Variants in DNAJC1 observed in about 807,000 individuals in gnomAD.
DNAJC1 encodes DnaJ heat shock protein family (Hsp40) member C1, also known as dnaJ homolog subfamily C member 1.
Under a neutral mutation model 76.6 loss-of-function variants are expected in DNAJC1, and 58 were observed. The ratio of observed to expected loss-of-function variants is 0.76; its 90% CI spans 0.61 to 0.94. The LOEUF is 0.94. Ranked by LOEUF, DNAJC1 falls within the 40% of genes least tolerant of loss-of-function variation. The pLI is 0.00. For synonymous variants in DNAJC1, 258 were observed against 267.9 expected (o/e 0.96, Z 0.36); for missense variants, 689 against 677.3 (o/e 1.02, Z -0.19).
chr10:21,941,933 C>T (rs1837419676), intron 1 of DNAJC1, among the ~76,000 whole-genome samples: 1 of 152,028 alleles, frequency 6.6e-6, no homozygotes, highest in African/African-American at 2.4e-5. Flanking sequence ...CACTATGTAA[C>T]AGAAAAGCAT....
chr10:21,961,465 C>A (rs555718391), intron 1 of DNAJC1, among the ~76,000 whole-genome samples: 3 of 152,014 alleles, frequency 2.0e-5, no homozygotes, highest in Admixed American at 2.0e-4. Context: ...GTGAAATAAG[C>A]CAGATACAAA....
intron 9 of DNAJC1, among the ~76,000 whole-genome samples, chr10:21,782,449 T>C (rs1321111082): frequency 6.6e-6 from 1 of 152,172 alleles, no homozygotes; most frequent in Admixed American, 6.5e-5. Flanking sequence ...CACAGCCGAA[T>C]TCTACCAGAG....
chr10:21,958,358 A>ATTTATTAGT (rs1837727391), intron 1 of DNAJC1, among the ~76,000 whole-genome samples: 1 of 152,058 alleles, frequency 6.6e-6, no homozygotes, highest in Non-Finnish European at 1.5e-5. Flanking sequence ...GTTCTGCAAC[A>ATTTATTAGT]TCACGATAAT....
chr10:21,862,155 T>G (rs1835925575), intron 8 of DNAJC1, among the ~76,000 whole-genome samples: 1 of 151,996 alleles, frequency 6.6e-6, no homozygotes, highest in Non-Finnish European at 1.5e-5. Flanking sequence ...CAACCTCAGG[T>G]GATCCGCCTG....
chr10:21,958,451 C>T (rs1256470295), intron 1 of DNAJC1, among the ~76,000 whole-genome samples: 3 of 147,076 alleles, frequency 2.0e-5, no homozygotes, highest in Non-Finnish European at 3.0e-5. Flanking sequence ...TTTTTTGAGA[C>T]GGAGTCTCGT....
At chr10:21,826,247 A>AAAAAAAAAAAAAG (rs1435710592) in intron 8 of DNAJC1, among the ~76,000 whole-genome samples, 7 of 151,298 alleles carry the variant, frequency 4.6e-5, no homozygotes, top group Admixed American at 6.6e-5. Flanking sequence ...CAAAAAAAAA[A>AAAAAAAAAAAAAG]AAGAAGAAGA....
At chr10:21,918,904 A>T (rs1287306636) in intron 5 of DNAJC1, 32 bp from the exon 6 acceptor site, 11 of 1,465,440 alleles carry the variant, frequency 7.5e-6, no homozygotes, top group Non-Finnish European at 1.1e-5. Context: ...AACACCATAC[A>T]ACATATGAGG....
At chr10:21,995,963 A>G (rs2131851241) in intron 1 of DNAJC1, among the ~76,000 whole-genome samples, 1 of 152,316 alleles carries the variant, frequency 6.6e-6, no homozygotes, top group East Asian at 1.9e-4. Flanking sequence ...CAGTTCTTAA[A>G]ATGAAATACT....
chr10:21,935,200 T>C (rs1837291258), intron 1 of DNAJC1, among the ~76,000 whole-genome samples: 1 of 152,196 alleles, frequency 6.6e-6, no homozygotes, highest in Non-Finnish European at 1.5e-5. Flanking sequence ...AAATCAATTA[T>C]TTTAAATATG....
rs914541977 is a variant in DNAJC1, at chr10:21,986,773, G to GT, written c.222+16439dup. Among the ~76,000 whole-genome samples the GT allele has an allele frequency of 2.2e-4, 33 of 150,640 alleles. 1 individual carries two copies. Among genetic ancestry groups the GT allele is most frequent in the Middle Eastern group, 6.8e-3 (2 of 294 alleles). On this transcript the variant is annotated intron_variant, in intron 1 of 11. Coordinates refer to ENST00000376980, the MANE Select transcript of DNAJC1 (RefSeq NM_022365.4). ...GGCTGGGAAATTTTTTGTTTTTTTTGTTTTTTTTCTTGAGACAGAATCTTG... is the reference window on the plus strand; with the variant it reads ...GGCTGGGAAATTTTTTGTTTTTTTTGTTTTTTTTTCTTGAGACAGAATCTTG...
At chr10:21,833,568 G>A (rs1324836618) in intron 8 of DNAJC1, among the ~76,000 whole-genome samples, 2 of 152,228 alleles carry the variant, frequency 1.3e-5, no homozygotes, top group African/African-American at 2.4e-5. Context: ...TAGCTAAGCA[G>A]TGTGGGAGAA....
chr10:21,999,400 T>C (rs1380062409), intron 1 of DNAJC1, among the ~76,000 whole-genome samples: 2 of 151,556 alleles, frequency 1.3e-5, no homozygotes, highest in Admixed American at 6.6e-5. Flanking sequence ...CCTACCTTAC[T>C]GGTCGTTCCT....
intron 1 of DNAJC1, among the ~76,000 whole-genome samples, chr10:21,962,302 T>C (rs1837808373): frequency 6.6e-6 from 1 of 151,960 alleles, no homozygotes; most frequent in African/African-American, 2.4e-5. Flanking sequence ...TAATGTATAG[T>C]AATTTATTCA....
chr10:21,954,208 AAG>A (rs1278027062), intron 1 of DNAJC1, among the ~76,000 whole-genome samples: 1 of 152,228 alleles, frequency 6.6e-6, no homozygotes, highest in East Asian at 1.9e-4. Context: ...ACTTTATAAA[AAG>A]AGGAAATAAA....
intron 1 of DNAJC1, among the ~76,000 whole-genome samples, chr10:22,000,599 T>C (rs1838503022): frequency 6.6e-6 from 1 of 152,270 alleles, no homozygotes; most frequent in South Asian, 2.1e-4. Context: ...AATGTCCTTC[T>C]ACCATGCTAT....
intron 8 of DNAJC1, among the ~76,000 whole-genome samples, chr10:21,856,122 G>C (rs904860501): frequency 3.3e-5 from 5 of 152,102 alleles, no homozygotes; most frequent in Admixed American, 1.3e-4. Context: ...TCTCCTGAAG[G>C]TAGATATTAT....
intron 5 of DNAJC1, 98 bp from the exon 6 acceptor site, chr10:21,918,970 T>C (rs1836997756): frequency 2.5e-6 from 2 of 784,812 alleles, no homozygotes; most frequent in Non-Finnish European, 4.2e-6. Context: ...TGAATTCTTT[T>C]GTGAATGGCT....
At chr10:21,837,979 C>G (rs1405476432) in intron 8 of DNAJC1, among the ~76,000 whole-genome samples, 2 of 150,002 alleles carry the variant, frequency 1.3e-5, no homozygotes, top group Non-Finnish European at 3.0e-5. Context: ...GCAGTCCCCG[C>G]CCGGCCAGCC....
chr10:21,975,352 A>C (rs191698996), intron 1 of DNAJC1, among the ~76,000 whole-genome samples: 1 of 152,124 alleles, frequency 6.6e-6, no homozygotes, highest in African/African-American at 2.4e-5. Flanking sequence ...AAAGAGAGTG[A>C]GAGAGAGAGA....
Sources: allele counts gnomAD v4.1 joint callset (sites outside exome capture counted in the v4.1 genomes callset), GRCh38; gene constraint gnomAD v4.1.1; transcripts MANE v1.5; gene names NCBI Gene and HGNC (gene_info 2026-07-23, HGNC 2026-07-21).